The following FAM3D variants were observed in gnomAD, a reference collection of about 807,000 sequenced individuals.
The protein encoded by FAM3D is protein FAM3D.
FAM3D carries 26 observed loss-of-function variants against 29.8 expected under a neutral mutation model. The ratio of observed to expected loss-of-function variants is 0.87; its 90% confidence interval spans 0.64 to 1.21. The LOEUF (loss-of-function observed/expected upper bound fraction) is 1.21. FAM3D is among the 50% of genes most tolerant of loss of function. The probability of loss-of-function intolerance (pLI) is 0.00; values close to 1 mark genes in which losing one functional copy is unlikely to be tolerated. For synonymous variants in FAM3D, 115 were observed against 102.3 expected (o/e 1.12, Z -0.75); for missense variants, 253 against 290.9 (o/e 0.87, Z 0.95).
At position 58,645,635 on chromosome 3, in the gene FAM3D, GA is replaced by G. The variant is rs763950619; in HGVS notation, c.146-10del. 1 of 1,611,938 alleles carries G rather than the reference GA, an allele frequency of 6.2e-7. No homozygotes were observed. The highest frequency in any genetic ancestry group is 1.1e-5 in the South Asian group (1 of 91,036). On this transcript the variant is annotated splice_polypyrimidine_tract_variant and intron_variant, in intron 4 of 9. Coordinates refer to ENST00000358781, the MANE Select transcript of FAM3D (RefSeq NM_138805.3). Reference sequence around the variant, plus strand: ...CTTGTACTTTTTAACCTCTGGGGAGGAAAGAGACCAGCCTTGGTGGGCAGAA... The same window carrying G: ...CTTGTACTTTTTAACCTCTGGGGAGGAAGAGACCAGCCTTGGTGGGCAGAA...
At chr3:58,652,798 C>A (rs1392576791) in intron 3 of FAM3D, among the ~76,000 whole-genome samples, 1 of 151,926 alleles carries the variant, frequency 6.6e-6, no homozygotes, top group Admixed American at 6.6e-5. Context: ...TCCAACCATC[C>A]ATTTATCTAT....
chr3:58,661,235 T>C lies in FAM3D; in HGVS notation c.-39+5341A>G, dbSNP rs535741965. On this transcript the variant is annotated intron_variant, in intron 1 of 9. Transcript: ENST00000358781. ...TTTTAGCTCTAGGTAGACCCGAGCC[T>C]CGGGTGTTCCTTTTGCTGAGCTTCA... Among the ~76,000 whole-genome samples the C allele has an allele frequency of 1.2e-3, 182 of 152,300 alleles. 7 individuals carry two copies. The South Asian group carries it at 0.037, about 31-fold the overall frequency.
chr3:58,665,322 C>T (rs1215824848), intron 1 of FAM3D, among the ~76,000 whole-genome samples: 13 of 151,962 alleles, frequency 8.6e-5, no homozygotes, highest in Middle Eastern at 3.2e-3. Context: ...CTCTGCCCTC[C>T]TCTTTCTTTC....
intron 1 of FAM3D, 138 bp downstream of exon 1, chr3:58,666,438 G>C (rs754136128): frequency 2.6e-5 from 4 of 152,174 alleles, no homozygotes; most frequent in Non-Finnish European, 5.9e-5. Flanking sequence ...CGATTATGTG[G>C]TTTCCTTCTT....
intron 6 of FAM3D, 38 bp from the exon 7 acceptor site, chr3:58,640,215 C>T (rs770098008): frequency 1.7e-5 from 28 of 1,608,502 alleles, no homozygotes; most frequent in Middle Eastern, 1.6e-4. Flanking sequence ...CCCTGTAACA[C>T]GTGTCATTCT....
intron 6 of FAM3D, among the ~76,000 whole-genome samples, chr3:58,640,472 C>G (rs964193624): frequency 6.6e-6 from 1 of 152,152 alleles, no homozygotes; most frequent in African/African-American, 2.4e-5. Context: ...ATTTTGACCT[C>G]AATTTTTGCA....
intron 2 of FAM3D, among the ~76,000 whole-genome samples, chr3:58,655,225 C>T (rs1221550361): frequency 6.6e-6 from 1 of 152,160 alleles, no homozygotes; most frequent in Non-Finnish European, 1.5e-5. Flanking sequence ...TTGCCTCCCT[C>T]TAGAATTTTT....
chr3:58,655,669 G>A, intron 1 of FAM3D, 68 bp from the exon 2 acceptor site: 1 of 1,305,416 alleles, frequency 7.7e-7, no homozygotes, highest in South Asian at 1.4e-5. Context: ...CTGAAGATGA[G>A]GGAAAGGGAC....
At chr3:58,651,333 A>G (rs1178552344) in intron 3 of FAM3D, among the ~76,000 whole-genome samples, 1 of 152,242 alleles carries the variant, frequency 6.6e-6, no homozygotes, top group East Asian at 1.9e-4. Flanking sequence ...ATGTGCACTC[A>G]GGTTAGGAAC....
At chr3:58,650,475 G>T (rs1324484385) in intron 3 of FAM3D, among the ~76,000 whole-genome samples, 3 of 152,084 alleles carry the variant, frequency 2.0e-5, no homozygotes, top group Admixed American at 6.5e-5. Flanking sequence ...ATCGGGAGAG[G>T]AGCCATCGTG....
chr3:58,649,567 G>GCA (rs72403131), intron 3 of FAM3D, among the ~76,000 whole-genome samples: 23 of 151,514 alleles, frequency 1.5e-4, no homozygotes, highest in Middle Eastern at 3.4e-3. Flanking sequence ...ATATACACAT[G>GCA]CACACACACA....
intron 7 of FAM3D, among the ~76,000 whole-genome samples, chr3:58,638,459 G>A (rs1440601141): frequency 6.6e-6 from 1 of 152,216 alleles, no homozygotes; most frequent in African/African-American, 2.4e-5. Flanking sequence ...TAACCTCTAT[G>A]AAGTGCAAAT....
Position 58,634,682 on chromosome 3 carries a change from G to A in FAM3D, c.586-314C>T. ...ATAATGATAGCAACAATAAAAAGAA[G>A]ACTCCGACCATGTCTTGAGCGCTTG... On this transcript the variant is annotated intron_variant, in intron 9 of 9. Transcript: ENST00000358781. This position sits in a 1 kb window ranked among gnomAD's most constrained non-coding sequence, Gnocchi z 4.6. Among the ~76,000 whole-genome samples, 1 of 152,118 alleles carries A rather than the reference G, an allele frequency of 6.6e-6. No individual in the cohort carries two copies. The highest frequency in any genetic ancestry group is 1.9e-4 in the East Asian group (1 of 5,192).
Position 58,653,733 on chromosome 3 carries a change from A to G in FAM3D, c.62T>C (p.Met21Thr). 1.2e-6 allele frequency: 2 copies of G among 1,614,136 alleles called. No individual in the cohort carries two copies. Among genetic ancestry groups the G allele is most frequent in the Middle Eastern group, 1.7e-4 (1 of 6,038 alleles). ...GAAGCTCATGTAGCTTCGAATAAAC[A>G]TCCATGTCGTGACTATGGCAAAGAT... is the stretch of plus-strand genomic sequence containing the variant. ...ALIFAIVTTW[M>T]FIRSYMSFSM... The change falls in exon 3 of 10, where the codon ATG becomes ACG. Residue 21 changes from methionine (M) to threonine (T), a missense_variant. Met to Thr is a moderately conservative substitution (Grantham distance 81). Transcript: ENST00000358781.
chr3:58,635,025 A>G lies in FAM3D; in HGVS notation c.586-657T>C, dbSNP rs1267686946. Reference sequence around the variant, plus strand: ...CCCTGTCTCTAGAAAACATAAAAAAATTAGCTGGATGTGGTGGCACATGCC... The same window carrying G: ...CCCTGTCTCTAGAAAACATAAAAAAGTTAGCTGGATGTGGTGGCACATGCC... On this transcript the variant is annotated intron_variant, in intron 9 of 9. Transcript: ENST00000358781. This position sits in a 1 kb window ranked among gnomAD's most constrained non-coding sequence, Gnocchi z 5.2. Among the ~76,000 whole-genome samples the G allele has an allele frequency of 6.6e-6, 1 of 152,136 alleles. No individual in the cohort carries two copies. The highest frequency in any genetic ancestry group is 1.5e-5 in the Non-Finnish European group (1 of 68,014).
At chr3:58,662,298 C>T (rs1166068278) in intron 1 of FAM3D, among the ~76,000 whole-genome samples, 1 of 152,204 alleles carries the variant, frequency 6.6e-6, no homozygotes, top group Non-Finnish European at 1.5e-5. Flanking sequence ...TGGGTCTTGA[C>T]CTCTTTAATT....
chr3:58,643,830 T>C (rs2066403479), intron 5 of FAM3D, 110 bp from the exon 6 acceptor site: 5 of 946,860 alleles, frequency 5.3e-6, no homozygotes, highest in Middle Eastern at 2.5e-4. Flanking sequence ...TGCAGAAGCA[T>C]TGGGAAACAC....
Position 58,634,015 on chromosome 3 carries a change from C to T in FAM3D, c.*264G>A, listed in dbSNP as rs537197092. ...CAGTTTGTCCTTCCTCAGGACCAGC[C>T]GTCAGCAGTCCCTGACGAAAGCACC... On this transcript the variant is annotated 3_prime_UTR_variant, in exon 10 of 10. Transcript: ENST00000358781. The surrounding 1 kb of genome is among the most constrained non-coding windows in gnomAD (Gnocchi z 4.6). 9 of 453,332 alleles carry T rather than the reference C, an allele frequency of 2.0e-5. No homozygotes were observed. Among genetic ancestry groups the T allele is most frequent in the African/African-American group, 1.2e-4 (6 of 49,052 alleles). 28.1% of individuals were successfully genotyped at this position (453,332 alleles called of 1,614,324 possible).
At chr3:58,665,005 C>T (rs544243905) in intron 1 of FAM3D, among the ~76,000 whole-genome samples, 6 of 152,154 alleles carry the variant, frequency 3.9e-5, no homozygotes, top group African/African-American at 9.7e-5. Context: ...TTCGAGCATC[C>T]CCCACCGCAG....
Sources: allele counts gnomAD v4.1 joint callset (sites outside exome capture counted in the v4.1 genomes callset), GRCh38; gene constraint gnomAD v4.1.1; non-coding constraint Gnocchi (gnomAD v3.1); transcripts MANE v1.5; gene names NCBI Gene and HGNC (gene_info 2026-07-23, HGNC 2026-07-21).